The following LRCH3 variants were observed in gnomAD, a reference collection of about 807,000 sequenced individuals.
LRCH3 encodes leucine rich repeats and calponin homology domain containing 3.
Under a neutral mutation model 104.5 loss-of-function variants are expected in LRCH3, and 68 were observed. The observed-to-expected ratio is 0.65, with a 90% CI of 0.54 to 0.80. The LOEUF is 0.80. LRCH3 is among the 30% of genes least tolerant of loss of function. The pLI is 0.00. For synonymous variants in LRCH3, 344 were observed against 361.3 expected, an observed-to-expected ratio of 0.95 and a Z score of 0.54; for missense variants, 951 against 953.9, an observed-to-expected ratio of 1.00 and a Z score of 0.04.
At chr3:197,792,581 A>G (rs1379070601) in intron 1 of LRCH3, among the ~76,000 whole-genome samples, 25 of 47,046 alleles carry the variant, frequency 5.3e-4, no homozygotes, top group Non-Finnish European at 9.5e-4. Context: ...CTAATTTTAT[A>G]TATATATATA....
chr3:197,834,008 T>G (rs1412006421), intron 8 of LRCH3, among the ~76,000 whole-genome samples: 1 of 152,240 alleles, frequency 6.6e-6, no homozygotes, highest in East Asian at 1.9e-4. Context: ...AATTCAATTT[T>G]ATATTAATTG....
chr3:197,840,270 T>C (rs2109341407), intron 10 of LRCH3, among the ~76,000 whole-genome samples: 1 of 152,254 alleles, frequency 6.6e-6, no homozygotes, highest in East Asian at 1.9e-4. Context: ...AAACGCCGTC[T>C]CTACTAAAAA....
intron 13 of LRCH3, among the ~76,000 whole-genome samples, chr3:197,853,095 T>A (rs1407619839): frequency 6.6e-6 from 1 of 152,202 alleles, no homozygotes; most frequent in Non-Finnish European, 1.5e-5. Context: ...ACACACCTCT[T>A]TTGATCTGTT....
At chr3:197,796,445 A>T (rs1234285158) in intron 1 of LRCH3, among the ~76,000 whole-genome samples, 1 of 152,230 alleles carries the variant, frequency 6.6e-6, no homozygotes, top group Admixed American at 6.5e-5. Context: ...GTACACTGAG[A>T]TCATACTGGA....
intron 14 of LRCH3, among the ~76,000 whole-genome samples, chr3:197,855,645 CAT>C (rs59737894): frequency 0.031 from 4,721 of 152,264 alleles, 258 homozygotes; most frequent in African/African-American, 0.11. Flanking sequence ...TTTAATAACA[CAT>C]GGAATAAGTG....
At chr3:197,865,976 C>G (rs1741435250) in intron 16 of LRCH3, 136 bp from the exon 17 acceptor site, 1 of 650,480 alleles carries the variant, frequency 1.5e-6, no homozygotes, top group South Asian at 2.0e-5. Context: ...TTTTCTGTAC[C>G]AGACTTTTCA....
At chr3:197,874,024 GAA>G (rs34903890) in intron 19 of LRCH3, among the ~76,000 whole-genome samples, 254 of 112,272 alleles carry the variant, frequency 2.3e-3, no homozygotes, top group Admixed American at 2.4e-3. Context: ...TGTCTCAAAA[GAA>G]AAAAAAAAAA....
intron 14 of LRCH3, among the ~76,000 whole-genome samples, chr3:197,857,131 T>C (rs529284375): frequency 2.7e-5 from 4 of 150,206 alleles, no homozygotes; most frequent in Admixed American, 2.0e-4. Flanking sequence ...CTCAAGCTCC[T>C]GTTAACATCA....
rs902930508 is a variant in LRCH3, at chr3:197,832,423, C to G, written c.1102+106C>G. Reference sequence around the variant, plus strand: ...TGTTGGTGTATCTATAGCTTCTTCACTCTTCTTTTAAAGACTTCTTTTCAT... The same window carrying G: ...TGTTGGTGTATCTATAGCTTCTTCAGTCTTCTTTTAAAGACTTCTTTTCAT... On this transcript the variant is annotated intron_variant, in intron 8 of 20. Transcript: ENST00000425562. The G allele has an allele frequency of 8.1e-6, 9 of 1,114,080 alleles. No individual in the cohort carries two copies. In the African/African-American group the frequency reaches 1.3e-4, roughly 16 times the overall value. 69.0% of individuals were successfully genotyped at this position (1,114,080 alleles called of 1,614,324 possible). A position where few individuals can be genotyped will look rare whatever the true frequency, so the allele number is the denominator to read the frequency against.
chr3:197,878,098 CAA>C (rs896368760), intron 20 of LRCH3, among the ~76,000 whole-genome samples: 8 of 152,256 alleles, frequency 5.3e-5, no homozygotes, highest in African/African-American at 1.9e-4. Context: ...TGTCTTTAAA[CAA>C]AGAGAGTATG....
intron 9 of LRCH3, among the ~76,000 whole-genome samples, chr3:197,838,177 C>A (rs7616279): frequency 6.6e-6 from 1 of 152,048 alleles, no homozygotes; most frequent in Non-Finnish European, 1.5e-5. Flanking sequence ...CTCAGCCACT[C>A]GGGAGGCTGA....
chr3:197,854,375 T>C lies in LRCH3; in HGVS notation c.1591-17T>C, dbSNP rs1739998477. The C allele has an allele frequency of 6.2e-7, 1 of 1,613,236 alleles. No individual in the cohort carries two copies. Among genetic ancestry groups the C allele is most frequent in the African/African-American group, 1.3e-5 (1 of 75,048 alleles). On this transcript the variant is annotated splice_polypyrimidine_tract_variant and intron_variant, in intron 13 of 20. Coordinates refer to ENST00000425562, the MANE Select transcript of LRCH3 (RefSeq NM_001365715.1). The surrounding 1 kb of genome is among the most constrained non-coding windows in gnomAD (Gnocchi z 4.5). Reference sequence around the variant, plus strand: ...AGTTTGTTTCTGACATGGCTTCATTTTTCTCCATCTCTCCAGTGCCCCTTC... The same window carrying C: ...AGTTTGTTTCTGACATGGCTTCATTCTTCTCCATCTCTCCAGTGCCCCTTC...
chr3:197,832,474 A>G (rs1201216638), intron 8 of LRCH3, among the ~76,000 whole-genome samples, 157 bp downstream of exon 8: 1 of 152,108 alleles, frequency 6.6e-6, no homozygotes, highest in Non-Finnish European at 1.5e-5. Context: ...ACTATTTTCC[A>G]TTGGGATGAA....
intron 6 of LRCH3, among the ~76,000 whole-genome samples, chr3:197,830,502 T>TC (rs1290308027): frequency 6.6e-6 from 1 of 152,220 alleles, no homozygotes; most frequent in Non-Finnish European, 1.5e-5. Context: ...AAAAGCACAG[T>TC]CCTAGTAAAC....
intron 1 of LRCH3, among the ~76,000 whole-genome samples, chr3:197,811,549 G>A (rs1160574239): frequency 1.3e-5 from 2 of 152,136 alleles, no homozygotes; most frequent in African/African-American, 4.8e-5. Context: ...GCGTGGGACC[G>A]CCTGGAGGAG....
chr3:197,835,791 C>A lies in LRCH3; in HGVS notation c.1220C>A (p.Ala407Glu). 1 of 1,613,934 alleles carries A rather than the reference C, an allele frequency of 6.2e-7. No homozygotes were observed. Among genetic ancestry groups the A allele is most frequent in the Non-Finnish European group, 8.5e-7 (1 of 1,179,972 alleles). ...GACAGCCTTAGTTCACAGTTTATGG[C>A]GTATATTGAACAGCGGCGAATCTCT... Reference protein sequence around the residue: ...DPDSLSSQFMAYIEQRRISHE... With the variant: ...DPDSLSSQFMEYIEQRRISHE... The change falls in exon 9 of 21, where the codon GCG becomes GAG. Residue 407 changes from alanine (A) to glutamate (E), a missense_variant. Ala to Glu is a moderately radical substitution (Grantham distance 107, BLOSUM62 -1). Coordinates refer to ENST00000425562, the MANE Select transcript of LRCH3 (RefSeq NM_001365715.1).
intron 15 of LRCH3, among the ~76,000 whole-genome samples, chr3:197,864,805 G>C (rs149547935): frequency 1.8e-3 from 273 of 149,664 alleles, no homozygotes; most frequent in African/African-American, 3.5e-3. Flanking sequence ...TGCATCGCTT[G>C]AGCTCAGGAG....
intron 8 of LRCH3, among the ~76,000 whole-genome samples, chr3:197,833,391 A>AAT (rs60318472): frequency 2.7e-5 from 4 of 149,132 alleles, no homozygotes; most frequent in Non-Finnish European, 4.4e-5. Flanking sequence ...AAAAAAAAAA[A>AAT]GCAGGGCATA....
At chr3:197,820,248 T>G (rs1217064330) in intron 3 of LRCH3, 77 bp from the exon 4 acceptor site, 1 of 1,035,106 alleles carries the variant, frequency 9.7e-7, no homozygotes, top group African/African-American at 1.6e-5. Flanking sequence ...CCCAAACATA[T>G]CTAATTTTAT....
Sources: gnomAD v4.1 joint callset for allele counts (sites outside exome capture counted in the v4.1 genomes callset) on GRCh38, gnomAD v4.1.1 for gene constraint, Gnocchi (gnomAD v3.1) non-coding constraint, MANE v1.5 for transcripts, NCBI Gene and HGNC (gene_info 2026-07-23, HGNC 2026-07-21) for gene names.